The following SESTD1 variants were observed in gnomAD, a reference collection of about 807,000 sequenced individuals.
The protein encoded by SESTD1 is SEC14 domain and spectrin repeat-containing protein 1.
A neutral mutation model predicts 101.7 loss-of-function variants in SESTD1; 43 were observed. That is an observed-to-expected ratio of 0.42 (90% confidence interval 0.33 to 0.55). The LOEUF (loss-of-function observed/expected upper bound fraction) is 0.55, where lower values mean the gene tolerates loss of function less well. Among genes scored for constraint, SESTD1 ranks in the 20% least tolerant of loss-of-function variants. SESTD1 has a pLI of 0.07. For synonymous variants in SESTD1, 283 were observed against 286.8 expected (o/e 0.99, Z 0.13); for missense variants, 647 against 815.1 (o/e 0.79, Z 2.51).
intron 2 of SESTD1, among the ~76,000 whole-genome samples, chr2:179,191,377 T>G (rs371969171): frequency 6.6e-6 from 1 of 151,964 alleles, no homozygotes; most frequent in Non-Finnish European, 1.5e-5. Context: ...GAGCCAAACA[T>G]TGGGCACACA....
chr2:179,227,971 A>G lies in SESTD1; in HGVS notation c.-25-36105T>C, dbSNP rs139525291. On this transcript the variant is annotated intron_variant, in intron 1 of 17. Coordinates refer to ENST00000428443, the MANE Select transcript of SESTD1 (RefSeq NM_178123.5). ...GGTGATATGCCAAAATTATTCCACT[A>G]AATCCCCCTTTTAGCTTAAGCCCAC... Among the ~76,000 whole-genome samples, 361 of 152,272 alleles carry G rather than the reference A, an allele frequency of 2.4e-3. 6 individuals carry two copies. The highest frequency in any genetic ancestry group is 8.3e-3 in the African/African-American group (343 of 41,552).
intron 1 of SESTD1, among the ~76,000 whole-genome samples, chr2:179,254,950 A>C (rs995293764): frequency 3.3e-5 from 5 of 152,054 alleles, no homozygotes; most frequent in Non-Finnish European, 7.4e-5. Context: ...AAGCTTTTTC[A>C]TTATTATTAT....
chr2:179,198,715 TA>T (rs953419984), intron 1 of SESTD1, among the ~76,000 whole-genome samples: 1 of 151,714 alleles, frequency 6.6e-6, no homozygotes. Flanking sequence ...ACTGGGTACA[TA>T]ACGAAATGAA....
At chr2:179,181,674 C>G (rs1349879590) in intron 3 of SESTD1, among the ~76,000 whole-genome samples, 1 of 152,136 alleles carries the variant, frequency 6.6e-6, no homozygotes, top group Non-Finnish European at 1.5e-5. Context: ...CTCAGAGTTT[C>G]AATTTCCTCA....
chr2:179,106,513 T>C lies in SESTD1; in HGVS notation c.*3386A>G, dbSNP rs550304525. 1 of 152,300 alleles carries C rather than the reference T, an allele frequency of 6.6e-6. No individual in the cohort carries two copies. The highest frequency in any genetic ancestry group is 2.1e-4 in the South Asian group (1 of 4,826). 9.4% of individuals were successfully genotyped at this position (152,300 alleles called of 1,614,324 possible). A position where few individuals can be genotyped will look rare whatever the true frequency, so the allele number is the denominator to read the frequency against. On this transcript the variant is annotated 3_prime_UTR_variant, in exon 18 of 18. Transcript: ENST00000428443. ...GGGTTTAGATCAGAGTATGGTTTAC[T>C]CATCACTGTTAGTAAGGTAACTTAA...
At chr2:179,151,528 A>G in intron 5 of SESTD1, 137 bp from the exon 6 acceptor site, 1 of 500,166 alleles carries the variant, frequency 2.0e-6, no homozygotes, top group Non-Finnish European at 3.4e-6. Context: ...ACTTAATACA[A>G]TATTTAAAAC....
intron 8 of SESTD1, among the ~76,000 whole-genome samples, chr2:179,144,170 A>T (rs1279726255): frequency 6.6e-6 from 1 of 151,958 alleles, no homozygotes; most frequent in Non-Finnish European, 1.5e-5. Flanking sequence ...ATTACTCAGG[A>T]TACTGTGCCA....
intron 5 of SESTD1, among the ~76,000 whole-genome samples, chr2:179,156,417 T>C (rs543226434): frequency 6.6e-6 from 1 of 152,310 alleles, no homozygotes; most frequent in African/African-American, 2.4e-5. Flanking sequence ...CACACTGTTT[T>C]CCATAGTGGC....
chr2:179,183,096 G>C lies in SESTD1; in HGVS notation c.148C>G (p.Leu50Val). The C allele has an allele frequency of 6.2e-7, 1 of 1,606,070 alleles. No homozygotes were observed. Among genetic ancestry groups the C allele is most frequent in the Non-Finnish European group, 8.5e-7 (1 of 1,176,100 alleles). ...MDELSVTLDY[L>V]LSIPSEKCKA... The stretch of plus-strand genomic sequence containing the variant: ...TAGAGTCACCTTGGAATGCTGAGTA[G>C]GTAGTCTAAGGTGACACTCAGCTCA... Residue 50 changes from leucine (L) to valine (V), a missense_variant, in exon 3 of 18, where the codon CTA becomes GTA. By Grantham distance (32) the Leu-to-Val change is conservative (BLOSUM62 1). Coordinates refer to ENST00000428443, the MANE Select transcript of SESTD1 (RefSeq NM_178123.5).
intron 5 of SESTD1, among the ~76,000 whole-genome samples, chr2:179,166,538 G>T (rs1166399861): frequency 6.6e-6 from 1 of 152,120 alleles, no homozygotes; most frequent in East Asian, 1.9e-4. Context: ...CCCAAAACTG[G>T]GGGAGGGGCA....
rs186121551 is a variant in SESTD1 at position 179,137,918 on chromosome 2, T to G, written c.850-5492A>C. ...ATCAAATTTGTAAGACTGAAAATAGTATGATTTGTGCTCTGTGTGACCAAC... is the reference window on the plus strand; with the variant it reads ...ATCAAATTTGTAAGACTGAAAATAGGATGATTTGTGCTCTGTGTGACCAAC... On this transcript the variant is annotated intron_variant, in intron 9 of 17. Transcript: ENST00000428443. 3.4e-3 allele frequency among the ~76,000 whole-genome samples: 522 copies of G among 152,338 alleles called. 4 individuals are homozygous for G. Among genetic ancestry groups the G allele is most frequent in the South Asian group, 6.4e-3 (31 of 4,826 alleles).
At chr2:179,260,661 T>C (rs2047470162) in intron 1 of SESTD1, among the ~76,000 whole-genome samples, 1 of 152,242 alleles carries the variant, frequency 6.6e-6, no homozygotes, top group South Asian at 2.1e-4. Context: ...TAATCATTCT[T>C]AATCCTGACT....
Position 179,108,275 on chromosome 2 carries a change from G to T in SESTD1, c.*1624C>A, listed in dbSNP as rs867993632. On this transcript the variant is annotated 3_prime_UTR_variant, in exon 18 of 18. Coordinates refer to ENST00000428443, the MANE Select transcript of SESTD1 (RefSeq NM_178123.5). ...TTCAGCAGGCACATCTTAAATTAGGGTTATGCGACTGTACTCACAGTTATT... is the reference window on the plus strand; with the variant it reads ...TTCAGCAGGCACATCTTAAATTAGGTTTATGCGACTGTACTCACAGTTATT... 1.2e-4 allele frequency: 18 copies of T among 152,142 alleles called. No homozygotes were observed. The highest frequency in any genetic ancestry group is 4.1e-4 in the African/African-American group (17 of 41,426). 9.4% of individuals were successfully genotyped at this position (152,142 alleles called of 1,614,324 possible).
intron 1 of SESTD1, among the ~76,000 whole-genome samples, chr2:179,196,825 G>A (rs2046405165): frequency 6.6e-6 from 1 of 152,146 alleles, no homozygotes; most frequent in Non-Finnish European, 1.5e-5. Flanking sequence ...CATCATCAAA[G>A]ACCAAAAGTA....
chr2:179,232,483 A>G (rs750441839), intron 1 of SESTD1, among the ~76,000 whole-genome samples: 22 of 152,092 alleles, frequency 1.4e-4, no homozygotes, highest in Non-Finnish European at 2.9e-4. Context: ...GAAAAAAAAG[A>G]GAAAGCACAA....
Position 179,109,091 on chromosome 2 carries a change from A to G in SESTD1, c.*808T>C, listed in dbSNP as rs1382362350. On this transcript the variant is annotated 3_prime_UTR_variant, in exon 18 of 18. Coordinates refer to ENST00000428443, the MANE Select transcript of SESTD1 (RefSeq NM_178123.5). ...AAATTAGAAATAGTATTCCATTATT[A>G]ATAAGTTCTTAAAGATCTAAATTGT... 1 of 152,614 alleles carries G rather than the reference A, an allele frequency of 6.6e-6. No homozygotes were observed. The highest frequency in any genetic ancestry group is 1.9e-4 in the East Asian group (1 of 5,204). The allele number at this position is 152,614 out of a possible 1,614,324, so 9.5% of individuals were successfully genotyped here.
rs2044300400 is a variant in SESTD1 at position 179,102,806 on chromosome 2, T to C, written c.*7093A>G. ...GGTGGTATTGAATAAAGAGACAATA[T>C]TGAAAATATTTTTAAACGCTAAAAT... On this transcript the variant is annotated 3_prime_UTR_variant, in exon 18 of 18. Transcript: ENST00000428443. 6.6e-6 allele frequency: 1 copy of C among 151,914 alleles called. No homozygotes were observed. 9.4% of individuals were successfully genotyped at this position (151,914 alleles called of 1,614,324 possible).
Position 179,106,448 on chromosome 2 carries a change from T to C in SESTD1, c.*3451A>G, listed in dbSNP as rs371871693. On this transcript the variant is annotated 3_prime_UTR_variant, in exon 18 of 18. Transcript: ENST00000428443. Reference sequence around the variant, plus strand: ...GAACTATTTCTTCAAATGTAGACCATAGATTCAGCTAACTTCATAATCACA... The same window carrying C: ...GAACTATTTCTTCAAATGTAGACCACAGATTCAGCTAACTTCATAATCACA... 2.0e-5 allele frequency: 3 copies of C among 152,252 alleles called. No individual in the cohort carries two copies. The East Asian group carries it at 5.8e-4, about 29-fold the overall frequency. The allele number at this position is 152,252 out of a possible 1,614,324, so 9.4% of individuals were successfully genotyped here.
chr2:179,174,747 G>A (rs1280566718), intron 4 of SESTD1, among the ~76,000 whole-genome samples: 1 of 152,102 alleles, frequency 6.6e-6, no homozygotes, highest in Non-Finnish European at 1.5e-5. Flanking sequence ...GATCACCTGA[G>A]CTCAGGAGTT....
Sources: gnomAD v4.1 joint callset for allele counts (sites outside exome capture counted in the v4.1 genomes callset) on GRCh38, gnomAD v4.1.1 for gene constraint, MANE v1.5 for transcripts, NCBI Gene and HGNC (gene_info 2026-07-23, HGNC 2026-07-21) for gene names.